OR2L13: variants seen among roughly 807,000 people sequenced by gnomAD.
The protein encoded by OR2L13 is olfactory receptor family 2 subfamily L member 13.
In OR2L13, 14 loss-of-function variants were observed where a neutral mutation model predicts 15.3. The observed-to-expected ratio is 0.91, with a 90% CI of 0.60 to 1.43. The LOEUF (loss-of-function observed/expected upper bound fraction) is 1.43. Ranked by LOEUF, OR2L13 falls within the 40% of genes most tolerant of loss-of-function variation. The pLI is 0.00. For synonymous variants in OR2L13, 152 were observed against 142.9 expected (o/e 1.06, Z -0.45); for missense variants, 367 against 387.9 (o/e 0.95, Z 0.45).
At chr1:248,075,060 C>A in the OR2L13 span, among the ~76,000 whole-genome samples, 2 of 151,826 alleles carry the variant, frequency 1.3e-5, no homozygotes, top group Admixed American at 1.3e-4. Context: ...GTGTGATGTT[C>A]CCCACCCTGT....
chr1:248,003,111 A>T, the OR2L13 span: 7,520 of 1,158,596 alleles, frequency 6.5e-3, 273 homozygotes, highest in African/African-American at 0.099. Flanking sequence ...TCCCTTCCGG[A>T]TGGATTGTAG....
At chr1:247,987,122 G>T in the OR2L13 span, among the ~76,000 whole-genome samples, 1 of 152,178 alleles carries the variant, frequency 6.6e-6, no homozygotes, top group Non-Finnish European at 1.5e-5. Flanking sequence ...GCCACTTGAA[G>T]CCTAGGCTCA....
chr1:247,958,845 T>G, the OR2L13 span, among the ~76,000 whole-genome samples: 2 of 152,058 alleles, frequency 1.3e-5, no homozygotes, highest in Non-Finnish European at 2.9e-5. Context: ...TCTCTGCACG[T>G]GAGATGGTTT....
chr1:247,967,045 C>CCACACACCACACACACACACACA, the OR2L13 span, among the ~76,000 whole-genome samples: 4 of 147,410 alleles, frequency 2.7e-5, no homozygotes, highest in Non-Finnish European at 6.0e-5. Flanking sequence ...ACACCACACA[C>CCACACACCACACACACACACACA]CACACACACA....
At chr1:248,070,555 A>C in the OR2L13 span, among the ~76,000 whole-genome samples, 14,342 of 152,206 alleles carry the variant, frequency 0.094, 920 homozygotes, top group Non-Finnish European at 0.14. Flanking sequence ...CTAACATCAC[A>C]ATTAAAAAAA....
chr1:248,026,140 A>G, the OR2L13 span, among the ~76,000 whole-genome samples: 6 of 152,182 alleles, frequency 3.9e-5, no homozygotes, highest in South Asian at 1.0e-3. Flanking sequence ...AAGTGTGTCT[A>G]TGTAAAAAGT....
At chr1:247,987,596 C>T in the OR2L13 span, among the ~76,000 whole-genome samples, 1 of 152,076 alleles carries the variant, frequency 6.6e-6, no homozygotes, top group Admixed American at 6.6e-5. Flanking sequence ...AATATTCGAC[C>T]CATAACAAAC....
the OR2L13 span, among the ~76,000 whole-genome samples, chr1:247,967,478 C>T: frequency 6.6e-6 from 1 of 152,158 alleles, no homozygotes; most frequent in Non-Finnish European, 1.5e-5. Flanking sequence ...ATCCTTCTGC[C>T]TTGGCCTCCC....
chr1:248,024,940 G>A, the OR2L13 span, among the ~76,000 whole-genome samples: 4 of 152,240 alleles, frequency 2.6e-5, no homozygotes, highest in Admixed American at 2.6e-4. Flanking sequence ...CCAATTCTGT[G>A]AAGAAAGTCA....
At chr1:247,965,823 G>T in the OR2L13 span, 1 of 1,612,548 alleles carries the variant, frequency 6.2e-7, no homozygotes, top group Non-Finnish European at 8.5e-7. Context: ...CATGTGCATG[G>T]GCCAGTGGTT....
the OR2L13 span, chr1:248,051,139 G>C: frequency 1.3e-5 from 2 of 152,016 alleles, no homozygotes; most frequent in Admixed American, 1.3e-4. Flanking sequence ...CTAACACTTT[G>C]TTTTTGTTAA....
the OR2L13 span, chr1:248,063,250 T>A: frequency 6.6e-6 from 1 of 152,380 alleles, no homozygotes; most frequent in African/African-American, 2.4e-5. Flanking sequence ...GTATTCCTCT[T>A]CATTTTCTTT....
the OR2L13 span, among the ~76,000 whole-genome samples, chr1:248,021,749 TCTTC>T: frequency 1.4e-4 from 21 of 152,328 alleles, no homozygotes; most frequent in Non-Finnish European, 2.4e-4. Flanking sequence ...TTTGTTAATT[TCTTC>T]CTTGTCTAAT....
chr1:247,991,200 A>C, the OR2L13 span: 1 of 1,572,918 alleles, frequency 6.4e-7, no homozygotes, highest in Non-Finnish European at 8.7e-7. Flanking sequence ...TTTCAGTGAA[A>C]ATATAGACAT....
At chr1:248,015,544 T>C in the OR2L13 span, among the ~76,000 whole-genome samples, 8 of 152,164 alleles carry the variant, frequency 5.3e-5, no homozygotes, top group Non-Finnish European at 1.0e-4. Context: ...TGTCACCTGT[T>C]TTACCATTTC....
chr1:248,083,786 C>T, the OR2L13 span: 28 of 1,613,746 alleles, frequency 1.7e-5, no homozygotes, highest in Middle Eastern at 8.2e-4. Context: ...CTGACACAAC[C>T]TTGTCGTGGT....
chr1:247,985,574 G>A, the OR2L13 span, among the ~76,000 whole-genome samples: 1 of 152,114 alleles, frequency 6.6e-6, no homozygotes, highest in African/African-American at 2.4e-5. Context: ...AAACATACGT[G>A]TGCATGTGTC....
At chr1:247,952,533 C>G in the OR2L13 span, among the ~76,000 whole-genome samples, 2 of 152,116 alleles carry the variant, frequency 1.3e-5, no homozygotes, top group Non-Finnish European at 2.9e-5. Context: ...ATAGAAGCCA[C>G]CATCTATGAA....
chr1:247,999,156 A>C, the OR2L13 span, among the ~76,000 whole-genome samples: 1 of 152,200 alleles, frequency 6.6e-6, no homozygotes, highest in Non-Finnish European at 1.5e-5. Flanking sequence ...CTACAGGGTC[A>C]GACATTCATC....
Sources: allele counts gnomAD v4.1 joint callset (sites outside exome capture counted in the v4.1 genomes callset), GRCh38; gene constraint gnomAD v4.1.1; transcripts MANE v1.5; gene names NCBI Gene and HGNC (gene_info 2026-07-23, HGNC 2026-07-21).